NKTR: variants seen among roughly 807,000 people sequenced by gnomAD.
NKTR encodes natural killer cell triggering receptor.
Under a neutral mutation model 156.3 loss-of-function variants are expected in NKTR, and 67 were observed. The ratio of observed to expected loss-of-function variants is 0.43; its 90% CI spans 0.35 to 0.53. The LOEUF (loss-of-function observed/expected upper bound fraction) is 0.53. Among genes scored for constraint, NKTR ranks in the 20% least tolerant of loss-of-function variants. The probability of loss-of-function intolerance (pLI) is 0.01; values close to 1 mark genes in which losing one functional copy is unlikely to be tolerated. For synonymous variants in NKTR, 640 were observed against 596.6 expected, an observed-to-expected ratio of 1.07 and a Z score of -1.06; for missense variants, 1,604 against 1,730.9, an observed-to-expected ratio of 0.93 and a Z score of 1.30.
At chr3:42,609,681 C>G (rs1706574956) in intron 2 of NKTR, among the ~76,000 whole-genome samples, 1 of 152,190 alleles carries the variant, frequency 6.6e-6, no homozygotes, top group Non-Finnish European at 1.5e-5. Flanking sequence ...TGAGTCTTGT[C>G]TAAGAACAAG....
At chr3:42,621,116 AG>A (rs1707861703) in intron 5 of NKTR, 1 of 989,148 alleles carries the variant, frequency 1.0e-6, no homozygotes, top group Non-Finnish European at 1.2e-6. Flanking sequence ...AAATTTTATT[AG>A]TTTTCCCTGA....
Position 42,639,302 on chromosome 3 carries a change from A to T in NKTR, c.3598A>T (p.Ser1200Cys), listed in dbSNP as rs946685188. The stretch of plus-strand genomic sequence containing the variant: ...GGGGAAACAGGACAGCAGCTCTGCT[A>T]GCTTGGCTAGTGCTGGAGAAAGTAC... ...EVGKQDSSSA[S>C]LASAGESTGK... The change falls in exon 13 of 17, where the codon AGC becomes TGC. Residue 1200 changes from serine (S) to cysteine (C), a missense_variant. Coordinates refer to ENST00000232978, the MANE Select transcript of NKTR (RefSeq NM_005385.4). The T allele has an allele frequency of 9.3e-6, 15 of 1,614,026 alleles. No individual in the cohort carries two copies. The highest frequency in any genetic ancestry group is 1.1e-5 in the Non-Finnish European group (13 of 1,180,002).
chr3:42,624,969 G>A (rs951926606), intron 6 of NKTR, among the ~76,000 whole-genome samples: 1 of 152,130 alleles, frequency 6.6e-6, no homozygotes, highest in Non-Finnish European at 1.5e-5. Flanking sequence ...TAATATAGCT[G>A]TCAGGAAACC....
intron 6 of NKTR, chr3:42,628,935 G>A (rs928086383): frequency 3.5e-6 from 1 of 287,320 alleles, no homozygotes; most frequent in Non-Finnish European, 5.2e-6. Flanking sequence ...CCGGGAGGCA[G>A]AGGTTGCATT....
At chr3:42,636,123 C>T (rs1709387219) in intron 12 of NKTR, among the ~76,000 whole-genome samples, 1 of 151,966 alleles carries the variant, frequency 6.6e-6, no homozygotes, top group Non-Finnish European at 1.5e-5. Flanking sequence ...GGGGATAGGC[C>T]CCAGAATAGC....
Position 42,638,268 on chromosome 3 carries a change from A to G in NKTR, c.2564A>G (p.His855Arg), listed in dbSNP as rs1174864116. The change falls in exon 13 of 17, where the codon CAT becomes CGT. Residue 855 changes from histidine (H) to arginine (R), a missense_variant. By Grantham distance (29) the His-to-Arg change is conservative. Around this residue, in one of 6 missense-constraint regions of NKTR, gnomAD observed 1,255 missense variants for 1,243.7 expected, o/e 1.01. Coordinates refer to ENST00000232978, the MANE Select transcript of NKTR (RefSeq NM_005385.4). ...TCCAAGTCTGAACGGGAATGCCCTC[A>G]TTCAAAAAAAAGAACTTTGAAAGAG... The part of the protein sequence containing the change: ...EKSKSERECP[H>R]SKKRTLKENL... The G allele has an allele frequency of 6.2e-7, 1 of 1,607,804 alleles. No individual in the cohort carries two copies. Among genetic ancestry groups the G allele is most frequent in the African/African-American group, 1.3e-5 (1 of 74,236 alleles).
rs543426937 is a variant in NKTR, at chr3:42,637,500, C to T, written c.1796C>T (p.Pro599Leu). ...CAAAATGAAAATGTAGTAGTACAACCAGTTGTAGCAGAAAATATTCCTGTA... is the reference window on the plus strand; with the variant it reads ...CAAAATGAAAATGTAGTAGTACAACTAGTTGTAGCAGAAAATATTCCTGTA... ...MAQNENVVVQPVVAENIPVIP... is the reference protein window; with the variant it reads ...MAQNENVVVQLVVAENIPVIP... Residue 599 changes from proline to leucine, a missense_variant, in exon 13 of 17, where the codon CCA becomes CTA. By Grantham distance (98) the Pro-to-Leu change is moderately conservative. Transcript: ENST00000232978. 6.2e-7 allele frequency: 1 copy of T among 1,613,960 alleles called. No homozygotes were observed. Among genetic ancestry groups the T allele is most frequent in the African/African-American group, 1.3e-5 (1 of 75,036 alleles).
chr3:42,647,304 T>TGTGTGTGG lies in NKTR; in HGVS notation c.*1329_*1330insGTGTGTGG, dbSNP rs1710416643. The TGTGTGTGG allele has an allele frequency of 4.1e-4, 15 of 36,394 alleles. No individual in the cohort carries two copies. The highest frequency in any genetic ancestry group is 4.1e-3 in the African/African-American group (15 of 3,640). 2.3% of individuals were successfully genotyped at this position (36,394 alleles called of 1,614,324 possible). A position where few individuals can be genotyped will look rare whatever the true frequency, so the allele number is the denominator to read the frequency against. ...TGTGTGTGTGTGTGTGTGTGTGTGG[T>TGTGTGTGG]TTTTTTTTTTAATCTTTACTTTGAA... On this transcript the variant is annotated 3_prime_UTR_variant, in exon 17 of 17. Coordinates refer to ENST00000232978, the MANE Select transcript of NKTR (RefSeq NM_005385.4).
intron 14 of NKTR, 70 bp downstream of exon 14, chr3:42,642,666 G>C (rs985811746): frequency 8.8e-5 from 94 of 1,067,028 alleles, no homozygotes; most frequent in South Asian, 4.6e-4. Flanking sequence ...ATAGGCAGAG[G>C]GGGTAGTTGT....
chr3:42,614,260 A>G (rs1460632771), intron 2 of NKTR, among the ~76,000 whole-genome samples: 2 of 152,158 alleles, frequency 1.3e-5, no homozygotes, highest in East Asian at 3.8e-4. Flanking sequence ...TTACTGTCAC[A>G]CTTATTTTTC....
At chr3:42,631,551 G>A (rs960552213) in intron 8 of NKTR, among the ~76,000 whole-genome samples, 13 of 152,224 alleles carry the variant, frequency 8.5e-5, no homozygotes, top group African/African-American at 2.4e-4. Flanking sequence ...TTGCCGTAGC[G>A]TCGTAACTGT....
At chr3:42,603,930 G>A (rs1705896103) in intron 2 of NKTR, among the ~76,000 whole-genome samples, 1 of 151,966 alleles carries the variant, frequency 6.6e-6, no homozygotes, top group Admixed American at 6.6e-5. Flanking sequence ...TAGAGACAGG[G>A]TTTCATCATG....
In NKTR at chr3:42,643,932, G is replaced by C; in HGVS notation, c.4230G>C (p.Arg1410Ser). The C allele has an allele frequency of 6.2e-7, 1 of 1,614,082 alleles. No individual in the cohort carries two copies. Residue 1410 changes from arginine to serine, a missense_variant, in exon 16 of 17, where the codon AGG becomes AGC. Coordinates refer to ENST00000232978, the MANE Select transcript of NKTR (RefSeq NM_005385.4). ...RSYTYDSYYSRSRSRSRSQRS... is the reference protein window; with the variant it reads ...RSYTYDSYYSSSRSRSRSQRS... ...ACACCTACGATAGCTACTATAGCAG[G>C]AGTCGGAGTCGAAGTAGAAGCCAGA...
intron 6 of NKTR, 120 bp downstream of exon 6, chr3:42,621,636 A>AATTTCTAATATCAT: frequency 1.0e-6 from 1 of 1,000,208 alleles, no homozygotes; most frequent in Non-Finnish European, 1.4e-6. Flanking sequence ...TTTTATTATT[A>AATTTCTAATATCAT]ATTTCTAATA....
chr3:42,643,489 T>G (rs1710083594), intron 15 of NKTR, 94 bp downstream of exon 15: 3 of 988,414 alleles, frequency 3.0e-6, no homozygotes, highest in Admixed American at 3.8e-5. Context: ...ATTGAGTAAC[T>G]AAATGCATAT....
At chr3:42,620,024 G>T (rs1392754359) in intron 5 of NKTR, 3 of 1,534,128 alleles carry the variant, frequency 2.0e-6, no homozygotes, top group Non-Finnish European at 2.6e-6. Flanking sequence ...AGAGAATGTG[G>T]TCTTTTGCAA....
rs371407282 is a variant in NKTR at position 42,647,664 on chromosome 3, G to A, written c.*1689G>A. On this transcript the variant is annotated 3_prime_UTR_variant, in exon 17 of 17. Transcript: ENST00000232978. ...CTGGATACTGAATACAAAACAGTAT[G>A]ATTTATATTAAAGGTTTCCAAAGGT... 5 of 152,080 alleles carry A rather than the reference G, an allele frequency of 3.3e-5. No homozygotes were observed. The highest frequency in any genetic ancestry group is 2.1e-4 in the South Asian group (1 of 4,824). The allele number at this position is 152,080 out of a possible 1,614,324, so 9.4% of individuals were successfully genotyped here. A position where few individuals can be genotyped will look rare whatever the true frequency, so the allele number is the denominator to read the frequency against.
chr3:42,619,848 A>G, intron 5 of NKTR, 140 bp downstream of exon 5: 2 of 1,459,478 alleles, frequency 1.4e-6, no homozygotes, highest in South Asian at 1.5e-5. Context: ...CTTTATTTGC[A>G]TGAATTTGGG....
At chr3:42,634,196 G>A (rs937348305) in intron 10 of NKTR, among the ~76,000 whole-genome samples, 2 of 152,156 alleles carry the variant, frequency 1.3e-5, no homozygotes, top group Non-Finnish European at 2.9e-5. Flanking sequence ...AGTTACTTTT[G>A]TTAACTTGTT....
Sources: gnomAD v4.1 joint callset for allele counts (sites outside exome capture counted in the v4.1 genomes callset) on GRCh38, gnomAD v4.1.1 for gene constraint, gnomAD v4.1.1 regional missense constraint, MANE v1.5 for transcripts, NCBI Gene and HGNC (gene_info 2026-07-23, HGNC 2026-07-21) for gene names.